Variants in DNAJC3 observed in about 807,000 individuals in gnomAD.
DNAJC3 encodes dnaJ homolog subfamily C member 3.
A neutral mutation model predicts 68.6 loss-of-function variants in DNAJC3; 38 were observed. That is an observed-to-expected ratio of 0.55 (90% CI 0.43 to 0.73). DNAJC3 has a LOEUF of 0.73. Among genes scored for constraint, DNAJC3 ranks in the 30% least tolerant of loss-of-function variants. The pLI is 0.00. For synonymous variants in DNAJC3, 203 were observed against 204.0 expected (o/e 1.00, Z 0.04); for missense variants, 526 against 591.9 (o/e 0.89, Z 1.16).
At chr13:95,696,892 C>G (rs970825313) in intron 1 of DNAJC3, among the ~76,000 whole-genome samples, 2 of 151,946 alleles carry the variant, frequency 1.3e-5, no homozygotes, top group Non-Finnish European at 2.9e-5. Context: ...ACTACAGGCG[C>G]CCACCACCGC....
At chr13:95,764,645 CATATATATATATATATATATATAT>C (rs755441205) in intron 9 of DNAJC3, among the ~76,000 whole-genome samples, 102 of 56,518 alleles carry the variant, frequency 1.8e-3, no homozygotes, top group South Asian at 0.016. Flanking sequence ...AAATAGAATC[CATATATATATATATATATATATAT>C]ATATATATAT....
At chr13:95,775,925 A>G (rs1157344220) in intron 9 of DNAJC3, among the ~76,000 whole-genome samples, 1 of 152,108 alleles carries the variant, frequency 6.6e-6, no homozygotes, top group African/African-American at 2.4e-5. Context: ...TACTAAGAAC[A>G]TCTTGAGATT....
intron 1 of DNAJC3, among the ~76,000 whole-genome samples, chr13:95,703,101 C>A (rs1373647838): frequency 6.6e-6 from 1 of 152,168 alleles, no homozygotes; most frequent in Non-Finnish European, 1.5e-5. Context: ...TGAACCATTT[C>A]TCTTAGGGGA....
intron 4 of DNAJC3, among the ~76,000 whole-genome samples, chr13:95,736,545 G>A (rs1180497674): frequency 6.7e-6 from 1 of 148,500 alleles, no homozygotes; most frequent in Non-Finnish European, 1.5e-5. Context: ...CACATCCCTT[G>A]TAAGTTGGAT....
At chr13:95,687,119 T>A (rs1880093365) in intron 1 of DNAJC3, among the ~76,000 whole-genome samples, 1 of 152,200 alleles carries the variant, frequency 6.6e-6, no homozygotes, top group African/African-American at 2.4e-5. Context: ...GGTATTTTAT[T>A]TTTTTGCATA....
chr13:95,763,232 T>G (rs969815613), intron 7 of DNAJC3, among the ~76,000 whole-genome samples: 1 of 152,200 alleles, frequency 6.6e-6, no homozygotes, highest in Non-Finnish European at 1.5e-5. Flanking sequence ...CGTAATGGGT[T>G]CCATTATTTT....
Position 95,763,767 on chromosome 13 carries a change from C to T in DNAJC3, c.954+19C>T. 2 of 1,613,788 alleles carry T rather than the reference C, an allele frequency of 1.2e-6. No homozygotes were observed. The highest frequency in any genetic ancestry group is 1.7e-4 in the Middle Eastern group (1 of 6,056). On this transcript the variant is annotated intron_variant, in intron 8 of 11. Transcript: ENST00000602402. Reference sequence around the variant, plus strand: ...TTCTAAGGTAACAGTTGACTTGTTCCCAGAAATGTGAAAACTCAACATGTG... The same window carrying T: ...TTCTAAGGTAACAGTTGACTTGTTCTCAGAAATGTGAAAACTCAACATGTG...
chr13:95,690,947 G>A (rs1451985595), intron 1 of DNAJC3, among the ~76,000 whole-genome samples: 2 of 140,470 alleles, frequency 1.4e-5, no homozygotes, highest in African/African-American at 5.3e-5. Flanking sequence ...TCCCGGACGG[G>A]GCGGCTGGCC....
At chr13:95,696,785 G>A (rs549513175) in intron 1 of DNAJC3, among the ~76,000 whole-genome samples, 149 of 151,592 alleles carry the variant, frequency 9.8e-4, no homozygotes, top group African/African-American at 3.2e-3. Context: ...TCGCTCTGTC[G>A]CCCAGACTGG....
At chr13:95,777,895 C>G (rs1566513325) in intron 9 of DNAJC3, among the ~76,000 whole-genome samples, 1 of 152,156 alleles carries the variant, frequency 6.6e-6, no homozygotes, top group Non-Finnish European at 1.5e-5. Flanking sequence ...CCTAGATAGA[C>G]CACGTGTGAC....
chr13:95,713,491 C>T (rs868801429), intron 2 of DNAJC3, among the ~76,000 whole-genome samples: 7 of 152,150 alleles, frequency 4.6e-5, no homozygotes, highest in African/African-American at 1.7e-4. Context: ...TTAAGAAAGA[C>T]TTAAATGAAG....
intron 5 of DNAJC3, among the ~76,000 whole-genome samples, chr13:95,758,761 T>A (rs1457180348): frequency 6.6e-6 from 1 of 152,222 alleles, no homozygotes; most frequent in African/African-American, 2.4e-5. Context: ...AATATTCAAA[T>A]GGAAGCAGTC....
chr13:95,779,211 G>A (rs1019016096), intron 9 of DNAJC3, among the ~76,000 whole-genome samples: 55 of 137,178 alleles, frequency 4.0e-4, no homozygotes, highest in African/African-American at 1.3e-3. Context: ...TGCAAGCTCC[G>A]CCTCCCGGGT....
intron 4 of DNAJC3, among the ~76,000 whole-genome samples, chr13:95,740,061 A>G (rs1303441357): frequency 6.6e-6 from 1 of 151,812 alleles, no homozygotes; most frequent in Non-Finnish European, 1.5e-5. Context: ...GTCTGTTGGA[A>G]TACCCTGCCG....
intron 1 of DNAJC3, among the ~76,000 whole-genome samples, chr13:95,692,038 G>C (rs554113791): frequency 4.6e-4 from 68 of 147,250 alleles, no homozygotes; most frequent in African/African-American, 1.7e-3. Flanking sequence ...ATCAGAGGGA[G>C]ACCATGGAAA....
At chr13:95,739,549 C>T (rs1444186869) in intron 4 of DNAJC3, among the ~76,000 whole-genome samples, 1 of 151,782 alleles carries the variant, frequency 6.6e-6, no homozygotes, top group African/African-American at 2.4e-5. Context: ...CTCTAAACTT[C>T]CCTTCTCGCT....
At chr13:95,689,324 T>G (rs1481353490) in intron 1 of DNAJC3, among the ~76,000 whole-genome samples, 1 of 151,892 alleles carries the variant, frequency 6.6e-6, no homozygotes, top group African/African-American at 2.4e-5. Flanking sequence ...TGGTTAAATC[T>G]TGGGAGGTTG....
intron 1 of DNAJC3, among the ~76,000 whole-genome samples, chr13:95,708,319 T>C (rs1025215563): frequency 1.3e-5 from 2 of 152,206 alleles, no homozygotes; most frequent in African/African-American, 4.8e-5. Context: ...GGCAACATAT[T>C]GATAATTGGC....
At chr13:95,755,756 CAAAAAAAAAA>C (rs56659621) in intron 4 of DNAJC3, among the ~76,000 whole-genome samples, 5 of 15,096 alleles carry the variant, frequency 3.3e-4, no homozygotes, top group Non-Finnish European at 4.8e-4. Context: ...GACGCCGTCT[CAAAAAAAAAA>C]AAAAAAAAAA....
Sources: gnomAD v4.1 joint callset for allele counts (sites outside exome capture counted in the v4.1 genomes callset) on GRCh38, gnomAD v4.1.1 for gene constraint, MANE v1.5 for transcripts, NCBI Gene and HGNC (gene_info 2026-07-23, HGNC 2026-07-21) for gene names.